PTPRD: variants seen among roughly 807,000 people sequenced by gnomAD.
The protein encoded by PTPRD is receptor-type tyrosine-protein phosphatase delta.
A neutral mutation model predicts 214.5 loss-of-function variants in PTPRD; 34 were observed. That is an observed-to-expected ratio of 0.16 (90% CI 0.12 to 0.21). The LOEUF is 0.21. Among genes scored for constraint, PTPRD ranks in the 10% least tolerant of loss-of-function variants. The pLI is 1.00. For missense variants in PTPRD, 2,545 were observed against 2,398.7 expected, an observed-to-expected ratio of 1.06 and a Z score of -1.27; for synonymous variants, 1,128 against 845.7, an observed-to-expected ratio of 1.33 and a Z score of -5.79.
intron 3 of PTPRD, among the ~76,000 whole-genome samples, chr9:10,304,586 G>A (rs934237224): frequency 3.9e-5 from 6 of 151,980 alleles, no homozygotes; most frequent in African/African-American, 2.4e-5. Flanking sequence ...AAACCAATGT[G>A]CAAAAATCAC....
chr9:10,367,680 C>A (rs1408257159), intron 2 of PTPRD, among the ~76,000 whole-genome samples: 1 of 152,144 alleles, frequency 6.6e-6, no homozygotes, highest in Non-Finnish European at 1.5e-5. Flanking sequence ...GCTGTTCTCA[C>A]TTGCCACAGA....
At chr9:8,327,066 TTC>T (rs879736102) in intron 44 of PTPRD, among the ~76,000 whole-genome samples, 2 of 149,114 alleles carry the variant, frequency 1.3e-5, no homozygotes, top group Non-Finnish European at 3.0e-5. Flanking sequence ...ATTTCTTGTC[TTC>T]TGTTAGCTTT....
chr9:9,245,734 C>T (rs369428258), intron 9 of PTPRD, among the ~76,000 whole-genome samples: 3 of 152,074 alleles, frequency 2.0e-5, no homozygotes, highest in African/African-American at 7.2e-5. Context: ...CAAACCTGCA[C>T]GTTGTGCACA....
intron 3 of PTPRD, among the ~76,000 whole-genome samples, chr9:10,130,316 TA>T (rs2098851931): frequency 6.6e-6 from 1 of 152,118 alleles, no homozygotes; most frequent in African/African-American, 2.4e-5. Context: ...CTATGTGGAA[TA>T]ACATACCATT....
intron 30 of PTPRD, among the ~76,000 whole-genome samples, chr9:8,473,842 T>C (rs1287005839): frequency 6.6e-6 from 1 of 152,184 alleles, no homozygotes; most frequent in Non-Finnish European, 1.5e-5. Context: ...AAAGCATTCA[T>C]CTAGGGCAGT....
chr9:9,421,547 T>C (rs185430256), intron 8 of PTPRD, among the ~76,000 whole-genome samples: 1 of 152,216 alleles, frequency 6.6e-6, no homozygotes, highest in African/African-American at 2.4e-5. Context: ...TATTCTTTGT[T>C]CTGGGCAGAA....
At chr9:8,980,481 G>A (rs936658524) in intron 11 of PTPRD, among the ~76,000 whole-genome samples, 4 of 152,034 alleles carry the variant, frequency 2.6e-5, no homozygotes, top group African/African-American at 9.7e-5. Context: ...CCATAATAAT[G>A]TATTGCAAAC....
At chr9:9,942,734 T>A (rs2091810372) in intron 4 of PTPRD, among the ~76,000 whole-genome samples, 2 of 152,292 alleles carry the variant, frequency 1.3e-5, no homozygotes, top group South Asian at 4.1e-4. Flanking sequence ...GAGCATGTTT[T>A]CATAATATTT....
chr9:9,948,189 G>T (rs1034443755), intron 4 of PTPRD, among the ~76,000 whole-genome samples: 2 of 152,054 alleles, frequency 1.3e-5, no homozygotes, highest in African/African-American at 4.8e-5. Context: ...CACCTTCCTT[G>T]TGAACATGAG....
rs142836394 is a variant in PTPRD at position 8,486,866 on chromosome 9, A to C, written c.2468-517T>G. Among the ~76,000 whole-genome samples, 3 of 152,332 alleles carry C rather than the reference A, an allele frequency of 2.0e-5. No individual in the cohort carries two copies. The East Asian group carries it at 5.8e-4, about 29-fold the overall frequency. On this transcript the variant is annotated intron_variant, in intron 27 of 45. Transcript: ENST00000381196. ...CTCTATCTTCTATAATGAGAAAATGAGGCCCAGAGAGGTAGAAAACTTTCC... is the reference window on the plus strand; with the variant it reads ...CTCTATCTTCTATAATGAGAAAATGCGGCCCAGAGAGGTAGAAAACTTTCC...
chr9:10,143,506 T>C (rs537939003), intron 3 of PTPRD, among the ~76,000 whole-genome samples: 1 of 152,106 alleles, frequency 6.6e-6, no homozygotes, highest in South Asian at 2.1e-4. Context: ...TCTGGAAATT[T>C]CTCAAAGAAC....
chr9:9,754,811 G>GA (rs2098553479), intron 6 of PTPRD, among the ~76,000 whole-genome samples: 1 of 151,980 alleles, frequency 6.6e-6, no homozygotes. Flanking sequence ...TTGGTATGCT[G>GA]AATAAGCTGT....
chr9:8,782,842 C>A (rs1241790151), intron 11 of PTPRD, among the ~76,000 whole-genome samples: 1 of 152,100 alleles, frequency 6.6e-6, no homozygotes, highest in African/African-American at 2.4e-5. Flanking sequence ...GATCTGCCCT[C>A]CTTGGCCCCC....
At chr9:9,701,836 T>C (rs1259115981) in intron 7 of PTPRD, among the ~76,000 whole-genome samples, 2 of 152,058 alleles carry the variant, frequency 1.3e-5, no homozygotes, top group East Asian at 1.9e-4. Context: ...ACTAAAGTAT[T>C]GGCCAGGTGT....
intron 7 of PTPRD, among the ~76,000 whole-genome samples, chr9:9,707,278 A>G (rs772932547): frequency 5.9e-5 from 9 of 152,216 alleles, no homozygotes; most frequent in Non-Finnish European, 1.3e-4. Flanking sequence ...CAAAATAAGA[A>G]TATTTTTGGG....
intron 2 of PTPRD, among the ~76,000 whole-genome samples, chr9:10,528,178 C>T (rs927678585): frequency 6.6e-6 from 1 of 152,098 alleles, no homozygotes; most frequent in African/African-American, 2.4e-5. Flanking sequence ...ATGTTTCTTT[C>T]TTACTGTTCT....
At chr9:9,180,430 C>T (rs924140606) in intron 10 of PTPRD, among the ~76,000 whole-genome samples, 1 of 123,388 alleles carries the variant, frequency 8.1e-6, no homozygotes. Context: ...GGGAACATCA[C>T]ACAGTGGGGC....
intron 35 of PTPRD, among the ~76,000 whole-genome samples, chr9:8,435,761 T>C (rs140650464): frequency 3.3e-5 from 5 of 151,970 alleles, no homozygotes; most frequent in African/African-American, 9.6e-5. Flanking sequence ...AGGCTTTTAA[T>C]TTACCTCCAT....
At chr9:9,594,382 C>A (rs2093070480) in intron 7 of PTPRD, among the ~76,000 whole-genome samples, 1 of 151,952 alleles carries the variant, frequency 6.6e-6, no homozygotes, top group South Asian at 2.1e-4. Flanking sequence ...CCAATGTTAG[C>A]TTGTAGAATT....
Sources: gnomAD v4.1 joint callset for allele counts (sites outside exome capture counted in the v4.1 genomes callset) on GRCh38, gnomAD v4.1.1 for gene constraint, MANE v1.5 for transcripts, NCBI Gene and HGNC (gene_info 2026-07-23, HGNC 2026-07-21) for gene names.